NRG3: variants seen among roughly 807,000 people sequenced by gnomAD.
The protein encoded by NRG3 is neuregulin 3.
Under a neutral mutation model 66.9 loss-of-function variants are expected in NRG3, and 31 were observed. The observed-to-expected ratio is 0.46, with a 90% CI of 0.35 to 0.63. NRG3 has a LOEUF of 0.63. Ranked by LOEUF, NRG3 falls within the 20% of genes least tolerant of loss-of-function variation. The pLI is 0.00. For missense variants in NRG3, 910 were observed against 878.9 expected (o/e 1.04, Z -0.45); for synonymous variants, 393 against 359.4 (o/e 1.09, Z -1.06).
In NRG3 at chr10:82,540,629, G is replaced by A. The variant is rs548528625; in HGVS notation, c.953+181761G>A. Among the ~76,000 whole-genome samples the A allele has an allele frequency of 5.9e-5, 9 of 152,178 alleles. 1 individual carries two copies. Among genetic ancestry groups the A allele is most frequent in the African/African-American group, 2.2e-4 (9 of 41,530 alleles). On this transcript the variant is annotated intron_variant, in intron 2 of 8. Transcript: ENST00000372141. ...ACATCCACCCAGGGAAGGGCGGAGA[G>A]GGAAGTAGTCAGTTGCCAGCAAGAT...
chr10:82,589,298 T>C (rs973543802), intron 2 of NRG3, among the ~76,000 whole-genome samples: 17 of 152,206 alleles, frequency 1.1e-4, no homozygotes, highest in African/African-American at 4.1e-4. Flanking sequence ...AGCAGGCACC[T>C]GGGAAAAACA....
At chr10:82,686,469 C>T (rs1193694165) in intron 2 of NRG3, among the ~76,000 whole-genome samples, 1 of 152,012 alleles carries the variant, frequency 6.6e-6, no homozygotes, top group Middle Eastern at 3.2e-3. Context: ...ATTATAGGCA[C>T]GAGCCACCGC....
chr10:82,060,699 A>G (rs1309971679), intron 1 of NRG3, among the ~76,000 whole-genome samples: 1 of 152,200 alleles, frequency 6.6e-6, no homozygotes, highest in Admixed American at 6.5e-5. Flanking sequence ...CTGTATGGAT[A>G]ATTCACCTTG....
intron 1 of NRG3, among the ~76,000 whole-genome samples, chr10:82,208,864 G>A (rs1478723866): frequency 6.6e-6 from 1 of 152,112 alleles, no homozygotes; most frequent in East Asian, 1.9e-4. Context: ...GTTTTGGGTA[G>A]TTGGTTTGTC....
chr10:82,438,134 C>T (rs2090242667), intron 2 of NRG3, among the ~76,000 whole-genome samples: 1 of 152,188 alleles, frequency 6.6e-6, no homozygotes, highest in South Asian at 2.1e-4. Flanking sequence ...CCAGATTCCT[C>T]AGAACTACCA....
intron 2 of NRG3, among the ~76,000 whole-genome samples, chr10:82,401,159 G>T (rs2087072125): frequency 6.6e-6 from 1 of 152,080 alleles, no homozygotes; most frequent in African/African-American, 2.4e-5. Flanking sequence ...TTCCCAAAAA[G>T]AGGTGTCTGG....
Position 82,212,417 on chromosome 10 carries a change from G to C in NRG3, c.824-146322G>C, listed in dbSNP as rs148547237. Among the ~76,000 whole-genome samples the C allele has an allele frequency of 2.0e-3, 303 of 152,280 alleles. 2 individuals carry two copies. Among genetic ancestry groups the C allele is most frequent in the African/African-American group, 6.7e-3 (278 of 41,552 alleles). On this transcript the variant is annotated intron_variant, in intron 1 of 8. Transcript: ENST00000372141. ...TCCACACACTTTAATTTCAACTACT[G>C]TTTTGAACTTAACACTTCTCCAGTG...
chr10:82,595,783 CAA>C (rs74616149), intron 2 of NRG3, among the ~76,000 whole-genome samples: 5 of 136,296 alleles, frequency 3.7e-5, no homozygotes, highest in East Asian at 2.1e-4. Context: ...GACTGTGTCT[CAA>C]AAAAAAAAAA....
At position 81,958,755 on chromosome 10, in the gene NRG3, G is replaced by A. The variant is rs149869538; in HGVS notation, c.823+82592G>A. ...AAATACAAAATTAGCTGGGCATGGCGGTGGATGCCTGTAATCCTAGCTACT... is the reference window on the plus strand; with the variant it reads ...AAATACAAAATTAGCTGGGCATGGCAGTGGATGCCTGTAATCCTAGCTACT... On this transcript the variant is annotated intron_variant, in intron 1 of 8. Coordinates refer to ENST00000372141, the MANE Select transcript of NRG3 (RefSeq NM_001010848.4). Among the ~76,000 whole-genome samples the A allele has an allele frequency of 5.9e-3, 899 of 152,180 alleles. 7 individuals are homozygous for A. The highest frequency in any genetic ancestry group is 0.02 in the African/African-American group (817 of 41,526).
chr10:82,952,430 A>AC (rs1849613565), intron 5 of NRG3, among the ~76,000 whole-genome samples: 1 of 151,052 alleles, frequency 6.6e-6, no homozygotes, highest in African/African-American at 2.4e-5. Flanking sequence ...TGTCTCAAAA[A>AC]AAAAAAAAAA....
At chr10:82,321,415 C>T (rs546519632) in intron 1 of NRG3, among the ~76,000 whole-genome samples, 14 of 152,164 alleles carry the variant, frequency 9.2e-5, no homozygotes, top group Non-Finnish European at 1.8e-4. Context: ...AATACATTAC[C>T]TTGATTATTC....
At chr10:81,976,401 C>G (rs1052702651) in intron 1 of NRG3, among the ~76,000 whole-genome samples, 1 of 152,098 alleles carries the variant, frequency 6.6e-6, no homozygotes, top group Admixed American at 6.6e-5. Flanking sequence ...TAACATTTCT[C>G]GAGCTTTTAT....
intron 1 of NRG3, among the ~76,000 whole-genome samples, chr10:81,962,438 A>T (rs1030489310): frequency 6.6e-6 from 1 of 152,176 alleles, no homozygotes; most frequent in Non-Finnish European, 1.5e-5. Context: ...TAGGGTTTCT[A>T]TACCCTGAGC....
At chr10:82,578,654 C>A (rs1480697722) in intron 2 of NRG3, among the ~76,000 whole-genome samples, 1 of 151,584 alleles carries the variant, frequency 6.6e-6, no homozygotes, top group Non-Finnish European at 1.5e-5. Flanking sequence ...CATTTTAAAG[C>A]CTGACTCCTA....
At chr10:82,508,358 G>C (rs1053539548) in intron 2 of NRG3, among the ~76,000 whole-genome samples, 26 of 152,132 alleles carry the variant, frequency 1.7e-4, no homozygotes, top group Non-Finnish European at 1.6e-4. Flanking sequence ...AAAATGCTCA[G>C]GGACCTCAAG....
intron 7 of NRG3, among the ~76,000 whole-genome samples, chr10:82,977,016 A>G (rs1273808788): frequency 7.2e-5 from 11 of 152,104 alleles, no homozygotes; most frequent in Non-Finnish European, 1.3e-4. Context: ...ATCTCTAACA[A>G]TGAACCAGGT....
intron 2 of NRG3, among the ~76,000 whole-genome samples, chr10:82,578,673 C>A (rs146680804): frequency 6.6e-6 from 1 of 151,572 alleles, no homozygotes; most frequent in Non-Finnish European, 1.5e-5. Flanking sequence ...TAAATAGCTA[C>A]GCTTATTTAA....
chr10:82,984,650 G>A (rs1183098265), intron 8 of NRG3: 1 of 802,086 alleles, frequency 1.2e-6, no homozygotes, highest in Non-Finnish European at 2.0e-6. Context: ...GCCACAACAA[G>A]TCTACTGGAC....
chr10:82,939,927 T>G (rs1848445209), intron 4 of NRG3, among the ~76,000 whole-genome samples: 1 of 151,706 alleles, frequency 6.6e-6, no homozygotes, highest in Non-Finnish European at 1.5e-5. Context: ...GTAAATGTCC[T>G]TAGACATCCA....
Sources: allele counts gnomAD v4.1 joint callset (sites outside exome capture counted in the v4.1 genomes callset), GRCh38; gene constraint gnomAD v4.1.1; transcripts MANE v1.5; gene names NCBI Gene and HGNC (gene_info 2026-07-23, HGNC 2026-07-21).